Variants in GLDC observed in about 807,000 individuals in gnomAD.
GLDC encodes the protein glycine decarboxylase.
Under a neutral mutation model 121.3 loss-of-function variants are expected in GLDC, and 104 were observed. That is an observed-to-expected ratio of 0.86 (90% CI 0.73 to 1.01). GLDC has a LOEUF of 1.01. Ranked by LOEUF, GLDC falls within the 50% of genes least tolerant of loss-of-function variation. The probability of loss-of-function intolerance (pLI) is 0.00; values close to 1 mark genes in which losing one functional copy is unlikely to be tolerated. For missense variants in GLDC, 1,429 were observed against 1,306.6 expected, an observed-to-expected ratio of 1.09 and a Z score of -1.44; for synonymous variants, 546 against 480.6, an observed-to-expected ratio of 1.14 and a Z score of -1.78.
chr9:6,599,739 C>CA (rs1324936091), intron 8 of GLDC, among the ~76,000 whole-genome samples: 1 of 148,780 alleles, frequency 6.7e-6, no homozygotes, highest in Non-Finnish European at 1.5e-5. Context: ...AAAAAACAAC[C>CA]AAAAAAACAA....
chr9:6,563,664 T>A (rs991539632), intron 16 of GLDC, among the ~76,000 whole-genome samples: 1 of 152,220 alleles, frequency 6.6e-6, no homozygotes, highest in African/African-American at 2.4e-5. Flanking sequence ...TCTAAACTAA[T>A]CATTCCTTAG....
intron 15 of GLDC, among the ~76,000 whole-genome samples, chr9:6,577,712 C>G (rs1015829697): frequency 6.6e-6 from 1 of 152,058 alleles, no homozygotes; most frequent in Non-Finnish European, 1.5e-5. Flanking sequence ...CACACACACA[C>G]GCAGTTTTAC....
intron 8 of GLDC, among the ~76,000 whole-genome samples, chr9:6,595,863 T>C (rs1029795678): frequency 6.6e-6 from 1 of 152,196 alleles, no homozygotes; most frequent in Non-Finnish European, 1.5e-5. Flanking sequence ...ACTGGGTCCA[T>C]TTTGTTAGGT....
intron 3 of GLDC, among the ~76,000 whole-genome samples, chr9:6,613,846 G>A (rs1818911862): frequency 6.6e-6 from 1 of 151,832 alleles, no homozygotes; most frequent in African/African-American, 2.4e-5. Context: ...GCACGATCTC[G>A]GCCCAGTGCA....
chr9:6,606,136 T>C, intron 5 of GLDC: 1 of 191,012 alleles, frequency 5.2e-6, no homozygotes, highest in South Asian at 1.0e-4. Context: ...TGAAACTCCG[T>C]CTCTACTAAA....
chr9:6,597,799 G>C (rs2129870058), intron 8 of GLDC, among the ~76,000 whole-genome samples: 1 of 151,986 alleles, frequency 6.6e-6, no homozygotes, highest in Non-Finnish European at 1.5e-5. Context: ...AGCCAGGCAT[G>C]GTAGCAGACA....
At chr9:6,638,886 G>A (rs1471935535) in intron 2 of GLDC, among the ~76,000 whole-genome samples, 1 of 152,100 alleles carries the variant, frequency 6.6e-6, no homozygotes, top group Non-Finnish European at 1.5e-5. Context: ...GTGCGTGCCT[G>A]TAGTCTCAGC....
chr9:6,576,753 C>T (rs1818073612), intron 15 of GLDC, among the ~76,000 whole-genome samples: 1 of 152,202 alleles, frequency 6.6e-6, no homozygotes, highest in African/African-American at 2.4e-5. Flanking sequence ...AGGCGTGAAC[C>T]ACCGCGTCTG....
intron 2 of GLDC, among the ~76,000 whole-genome samples, chr9:6,630,359 C>T (rs1819351277): frequency 6.6e-6 from 1 of 152,140 alleles, no homozygotes; most frequent in African/African-American, 2.4e-5. Context: ...TACATCCCAT[C>T]AGTCCCAGGC....
At chr9:6,556,056 C>A in intron 18 of GLDC, 97 bp downstream of exon 18, 1 of 1,037,076 alleles carries the variant, frequency 9.6e-7, no homozygotes, top group East Asian at 2.5e-5. Flanking sequence ...TCTGAGTTCC[C>A]TCAGGCAGGA....
At chr9:6,644,104 G>A (rs1472259423) in intron 2 of GLDC, among the ~76,000 whole-genome samples, 2 of 147,072 alleles carry the variant, frequency 1.4e-5, no homozygotes, top group Non-Finnish European at 3.0e-5. Flanking sequence ...AAGTACTGCT[G>A]TCTTTCAGTT....
intron 2 of GLDC, among the ~76,000 whole-genome samples, chr9:6,627,743 A>AG (rs1819276746): frequency 6.6e-6 from 1 of 152,202 alleles, no homozygotes; most frequent in Non-Finnish European, 1.5e-5. Context: ...TGATGAACAG[A>AG]GGGGTAAGCT....
intron 5 of GLDC, chr9:6,605,829 G>A (rs914025783): frequency 1.5e-5 from 3 of 200,554 alleles, no homozygotes; most frequent in South Asian, 1.0e-4. Context: ...ATTACAGCAC[G>A]AAAGAAAAGT....
chr9:6,600,799 C>A (rs1390258327), intron 8 of GLDC, among the ~76,000 whole-genome samples: 1 of 152,186 alleles, frequency 6.6e-6, no homozygotes, highest in South Asian at 2.1e-4. Flanking sequence ...GACCTAAGCC[C>A]TGGAGCAACT....
At position 6,629,955 on chromosome 9, in the gene GLDC, A is replaced by AT. The variant is rs1367658538; in HGVS notation, c.335-9637dup. ...TATATATATATATATGTATATATAT[A>AT]TATTTTTTTTTTTTAAGAGAGACAA... On this transcript the variant is annotated intron_variant, in intron 2 of 24. Transcript: ENST00000321612. Among the ~76,000 whole-genome samples the AT allele has an allele frequency of 7.1e-5, 6 of 84,402 alleles. 1 individual carries two copies. The highest frequency in any genetic ancestry group is 3.8e-4 in the African/African-American group (6 of 15,604). 55.4% of individuals were successfully genotyped at this position (84,402 alleles called of 152,430 possible).
At chr9:6,540,733 T>C (rs961162291) in intron 21 of GLDC, 6 of 157,644 alleles carry the variant, frequency 3.8e-5, no homozygotes, top group African/African-American at 1.4e-4. Flanking sequence ...CGTCAAACAG[T>C]ATACCGTAAG....
intron 14 of GLDC, among the ~76,000 whole-genome samples, chr9:6,588,134 G>A (rs1587947001): frequency 9.9e-6 from 1 of 101,206 alleles, no homozygotes; most frequent in African/African-American, 3.9e-5. Flanking sequence ...TGGGGGTGGG[G>A]GAGGGATAGG....
chr9:6,577,992 G>T (rs1447540109), intron 15 of GLDC, among the ~76,000 whole-genome samples: 2 of 151,938 alleles, frequency 1.3e-5, no homozygotes, highest in Non-Finnish European at 2.9e-5. Flanking sequence ...ACAGTTCACT[G>T]CAGCCTCAAC....
At chr9:6,611,424 C>G (rs183979278) in intron 3 of GLDC, among the ~76,000 whole-genome samples, 2 of 151,902 alleles carry the variant, frequency 1.3e-5, no homozygotes, top group Non-Finnish European at 2.9e-5. Context: ...GGCGTGGTGG[C>G]ACGTGCCTGT....
Sources: allele counts gnomAD v4.1 joint callset (sites outside exome capture counted in the v4.1 genomes callset), GRCh38; gene constraint gnomAD v4.1.1; transcripts MANE v1.5; gene names NCBI Gene and HGNC (gene_info 2026-07-23, HGNC 2026-07-21).